Variants in TTC6 observed in about 807,000 individuals in gnomAD.
TTC6 encodes tetratricopeptide repeat domain 6.
A neutral mutation model predicts 210.4 loss-of-function variants in TTC6; 172 were observed. That is an observed-to-expected ratio of 0.82 (90% CI 0.72 to 0.93). The LOEUF is 0.93. Ranked by LOEUF, TTC6 falls within the 40% of genes least tolerant of loss-of-function variation. The pLI is 0.00. For missense variants in TTC6, 2,414 were observed against 2,318.1 expected (o/e 1.04, Z -0.85); for synonymous variants, 804 against 819.6 (o/e 0.98, Z 0.32).
chr14:37,653,582 C>CA (rs2095716709), intron 1 of TTC6, among the ~76,000 whole-genome samples: 1 of 148,532 alleles, frequency 6.7e-6, no homozygotes, highest in African/African-American at 2.6e-5. Context: ...CTGCTATGGT[C>CA]GGGGAGAGAT....
chr14:37,790,961 C>G, intron 16 of TTC6, 124 bp downstream of exon 18: 1 of 763,190 alleles, frequency 1.3e-6, no homozygotes, highest in Non-Finnish European at 2.0e-6. Flanking sequence ...CTTATAAAGT[C>G]ATCCTAGAAT....
At chr14:37,768,728 A>G (rs1419402855) in intron 14 of TTC6, among the ~76,000 whole-genome samples, 1 of 152,130 alleles carries the variant, frequency 6.6e-6, no homozygotes, top group Admixed American at 6.6e-5. Context: ...TTCTAGATAT[A>G]CAATCATGTC....
At chr14:37,799,290 A>C (rs2096100237) in intron 20 of TTC6, among the ~76,000 whole-genome samples, 1 of 152,184 alleles carries the variant, frequency 6.6e-6, no homozygotes, top group Non-Finnish European at 1.5e-5. Context: ...ATAAAAACTA[A>C]AAAAACTTTA....
chr14:37,841,460 T>A (rs750215482), exon 30 of TTC6: 8 of 1,590,278 alleles, frequency 5.0e-6, no homozygotes, highest in Non-Finnish European at 6.8e-6. Context: ...TGACTACTTC[T>A]CAAAAGCTTT....
At chr14:37,786,780 T>C (rs2096068810) in intron 14 of TTC6, among the ~76,000 whole-genome samples, 1 of 152,222 alleles carries the variant, frequency 6.6e-6, no homozygotes, top group Non-Finnish European at 1.5e-5. Context: ...CCCACTATTT[T>C]TATTTCTTCT....
At chr14:37,827,255 C>G (rs2096174148) in exon 29 of TTC6, 1 of 1,612,946 alleles carries the variant, frequency 6.2e-7, no homozygotes, top group South Asian at 1.1e-5. Flanking sequence ...TTATGGGCCA[C>G]AAACAGAATG....
chr14:37,759,833 T>C (rs2095978701), intron 14 of TTC6, among the ~76,000 whole-genome samples: 1 of 152,242 alleles, frequency 6.6e-6, no homozygotes, highest in Non-Finnish European at 1.5e-5. Context: ...TTCTTGTCCT[T>C]GTTTTTCAGC....
intron 14 of TTC6, among the ~76,000 whole-genome samples, chr14:37,785,741 C>T (rs183951750): frequency 6.6e-6 from 1 of 152,316 alleles, no homozygotes; most frequent in East Asian, 1.9e-4. Context: ...TCTGGTTTAT[C>T]CCCATATTTT....
intron 7 of TTC6, among the ~76,000 whole-genome samples, chr14:37,725,563 T>A (rs2095871523): frequency 6.6e-6 from 1 of 151,538 alleles, no homozygotes; most frequent in South Asian, 2.1e-4. Flanking sequence ...TTGGTGAGGC[T>A]GGTCTAGAAC....
chr14:37,627,491 C>G, intron 1 of TTC6, among the ~76,000 whole-genome samples: 1 of 140,722 alleles, frequency 7.1e-6, no homozygotes, highest in Non-Finnish European at 1.5e-5. Flanking sequence ...GTGTGATGTT[C>G]CCTTCCCTGT....
intron 2 of TTC6, among the ~76,000 whole-genome samples, chr14:37,612,256 C>T (rs185242777): frequency 2.0e-5 from 3 of 152,302 alleles, no homozygotes; most frequent in Non-Finnish European, 2.9e-5. Context: ...TAACCAATCA[C>T]GGATCTGCTG....
chr14:37,792,342 A>G, exon 17 of TTC6: 1 of 1,533,160 alleles, frequency 6.5e-7, no homozygotes, highest in Non-Finnish European at 8.7e-7. Context: ...CTATTTGGCA[A>G]TTTTCTGAGG....
intron 1 of TTC6, among the ~76,000 whole-genome samples, chr14:37,676,931 A>T (rs954365804): frequency 3.9e-5 from 6 of 152,072 alleles, no homozygotes; most frequent in African/African-American, 1.2e-4. Context: ...GTCTATCCTT[A>T]TGCTAGTATC....
chr14:37,806,029 C>G (rs2096117852), intron 21 of TTC6, among the ~76,000 whole-genome samples: 1 of 152,076 alleles, frequency 6.6e-6, no homozygotes, highest in Non-Finnish European at 1.5e-5. Context: ...GATGCATTTG[C>G]TGGATCCTAA....
chr14:37,654,526 A>G (rs552080775), intron 1 of TTC6, among the ~76,000 whole-genome samples: 27 of 152,044 alleles, frequency 1.8e-4, no homozygotes, highest in African/African-American at 6.5e-4. Context: ...AGATGCCGCT[A>G]TGCTTCCTGT....
At chr14:37,673,858 C>T (rs189716728) in intron 1 of TTC6, among the ~76,000 whole-genome samples, 1 of 152,182 alleles carries the variant, frequency 6.6e-6, no homozygotes, top group East Asian at 1.9e-4. Context: ...AAAAGTGTAT[C>T]CAGGATTGCG....
exon 23 of TTC6, chr14:37,807,433 C>T (rs762868172): frequency 8.6e-6 from 13 of 1,514,690 alleles, no homozygotes; most frequent in Non-Finnish European, 1.1e-5. Context: ...CCTATCTCTA[C>T]AGAGGAGTTC....
At chr14:37,632,776 A>G (rs1164584664) in intron 1 of TTC6, among the ~76,000 whole-genome samples, 2 of 152,198 alleles carry the variant, frequency 1.3e-5, no homozygotes, top group South Asian at 2.1e-4. Context: ...TCTGTAAGCC[A>G]TGAGTGGGGC....
chr14:37,638,657 T>A (rs2095685691), intron 1 of TTC6, among the ~76,000 whole-genome samples: 1 of 152,174 alleles, frequency 6.6e-6, no homozygotes, highest in African/African-American at 2.4e-5. Context: ...GAAGTGTTTG[T>A]GGCTTTAAAA....
Sources: gnomAD v4.1 joint callset for allele counts (sites outside exome capture counted in the v4.1 genomes callset) on GRCh38, gnomAD v4.1.1 for gene constraint, MANE v1.5 for transcripts, NCBI Gene and HGNC (gene_info 2026-07-23, HGNC 2026-07-21) for gene names.